FAM178B: variants seen among roughly 807,000 people sequenced by gnomAD.
FAM178B encodes the protein protein FAM178B.
FAM178B carries 82 observed loss-of-function variants against 91.7 expected under a neutral mutation model. That is an observed-to-expected ratio of 0.89 (90% CI 0.75 to 1.07). The LOEUF is 1.07. Among genes scored for constraint, FAM178B ranks in the 50% least tolerant of loss-of-function variants. The pLI is 0.00. For missense variants in FAM178B, 769 were observed against 846.7 expected (o/e 0.91, Z 1.14); for synonymous variants, 368 against 359.4 (o/e 1.02, Z -0.27).
At chr2:96,956,461 C>G (rs1019596928) in intron 6 of FAM178B, among the ~76,000 whole-genome samples, 11 of 152,204 alleles carry the variant, frequency 7.2e-5, no homozygotes, top group African/African-American at 2.4e-4. Flanking sequence ...CAAGCCCACC[C>G]AAGCTCGCTC....
At chr2:96,887,042 A>G (rs1009528914) in intron 14 of FAM178B, among the ~76,000 whole-genome samples, 3 of 152,080 alleles carry the variant, frequency 2.0e-5, no homozygotes, top group Non-Finnish European at 4.4e-5. Context: ...GTGAAACCCC[A>G]TCTCTACTAA....
At chr2:96,897,204 C>A (rs999532179) in intron 13 of FAM178B, among the ~76,000 whole-genome samples, 2 of 152,170 alleles carry the variant, frequency 1.3e-5, no homozygotes, top group African/African-American at 2.4e-5. Flanking sequence ...CCTATTCCCC[C>A]CCACTCCCTG....
chr2:96,893,809 G>T, intron 14 of FAM178B, 117 bp downstream of exon 14: 1 of 1,282,344 alleles, frequency 7.8e-7, no homozygotes, highest in Non-Finnish European at 1.0e-6. Flanking sequence ...GCCCTGGCAT[G>T]GCCCTGGGGT....
At chr2:96,949,846 G>A (rs1574291322) in intron 7 of FAM178B, 2 of 343,494 alleles carry the variant, frequency 5.8e-6, no homozygotes, top group Non-Finnish European at 8.2e-6. Context: ...GGACAAGGCA[G>A]CTCACGGATG....
chr2:96,982,687 A>G (rs7584318), intron 1 of FAM178B, among the ~76,000 whole-genome samples: 127,424 of 149,948 alleles, frequency 0.85, 55,587 homozygotes, highest in African/African-American at 0.95. Context: ...TCCTGCCTCA[A>G]CCTCCTGAGT....
intron 1 of FAM178B, among the ~76,000 whole-genome samples, chr2:96,975,082 G>C (rs866320149): frequency 1.1e-4 from 12 of 107,524 alleles, no homozygotes; most frequent in African/African-American, 4.2e-4. Flanking sequence ...GTGACAGAGT[G>C]AGACTCTGTC....
intron 1 of FAM178B, among the ~76,000 whole-genome samples, chr2:96,977,452 ATTTT>A (rs558867160): frequency 1.5e-5 from 2 of 135,406 alleles, no homozygotes; most frequent in Admixed American, 7.5e-5. Flanking sequence ...CCTTTTGGGA[ATTTT>A]TTTTTTTTTT....
Position 96,921,242 on chromosome 2 carries a change from G to C in FAM178B, c.1485C>G (p.Thr495=). 2 of 1,551,586 alleles carry C rather than the reference G, an allele frequency of 1.3e-6. No individual in the cohort carries two copies. Among genetic ancestry groups the C allele is most frequent in the Non-Finnish European group, 1.7e-6 (2 of 1,146,976 alleles). ...GGTGGTGGTCAGACACCCAGCTCAG[G>C]GTGCAGCACAGTTCCTGGAGCTGCA... ...WPGKLQELCC[T]LSWVSDHHHN... The change falls in exon 12 of 17, where the codon ACC becomes ACG. Residue 495 remains threonine (T), a synonymous_variant. Transcript: ENST00000490605.
chr2:96,957,318 G>A (rs1480345081), intron 6 of FAM178B, among the ~76,000 whole-genome samples: 1 of 152,158 alleles, frequency 6.6e-6, no homozygotes, highest in Non-Finnish European at 1.5e-5. Flanking sequence ...GGGCTAAATG[G>A]TGACCTCCAG....
chr2:96,985,682 CAAGACGCCTTATTCCT>C (rs139572756), intron 1 of FAM178B, among the ~76,000 whole-genome samples: 3,463 of 152,284 alleles, frequency 0.023, 114 homozygotes, highest in African/African-American at 0.072. Context: ...ACTGCTTTTT[CAAGACGCCTTATTCCT>C]AACATCATGT....
At chr2:96,940,661 TGGA>T (rs2081713456) in intron 8 of FAM178B, among the ~76,000 whole-genome samples, 1 of 151,050 alleles carries the variant, frequency 6.6e-6, no homozygotes, top group African/African-American at 2.4e-5. Context: ...AGACAAGAGG[TGGA>T]GGAGAGATCA....
At chr2:96,893,004 C>T (rs932454641) in intron 14 of FAM178B, among the ~76,000 whole-genome samples, 2 of 152,194 alleles carry the variant, frequency 1.3e-5, no homozygotes, top group African/African-American at 4.8e-5. Context: ...AGAAGAGGAG[C>T]GTGCACCTGG....
At chr2:96,933,911 C>A (rs1398236718) in intron 8 of FAM178B, among the ~76,000 whole-genome samples, 1 of 152,198 alleles carries the variant, frequency 6.6e-6, no homozygotes, top group East Asian at 1.9e-4. Flanking sequence ...ACAATGTTTA[C>A]GGGAGGCTTA....
At chr2:96,933,933 T>C (rs1377177321) in intron 8 of FAM178B, among the ~76,000 whole-genome samples, 1 of 152,220 alleles carries the variant, frequency 6.6e-6, no homozygotes, top group Non-Finnish European at 1.5e-5. Flanking sequence ...AATCCAATTC[T>C]TTCATATCCT....
chr2:96,937,300 T>G (rs1324441794), intron 8 of FAM178B, among the ~76,000 whole-genome samples: 3 of 152,166 alleles, frequency 2.0e-5, no homozygotes, highest in African/African-American at 7.2e-5. Flanking sequence ...TGGACTAGGC[T>G]TTGGAATTTT....
At chr2:96,922,496 C>A (rs547432228) in intron 10 of FAM178B, among the ~76,000 whole-genome samples, 1 of 151,880 alleles carries the variant, frequency 6.6e-6, no homozygotes, top group East Asian at 2.0e-4. Context: ...ATTACAGGCA[C>A]GCGCCACCGC....
At chr2:96,876,850 C>T (rs942990732) in intron 16 of FAM178B, among the ~76,000 whole-genome samples, 2 of 152,046 alleles carry the variant, frequency 1.3e-5, no homozygotes, top group Non-Finnish European at 2.9e-5. Context: ...CGAGCCAGCC[C>T]AGCAGGGTGC....
intron 14 of FAM178B, among the ~76,000 whole-genome samples, chr2:96,890,152 G>A (rs1262080761): frequency 6.6e-6 from 1 of 152,122 alleles, no homozygotes; most frequent in Non-Finnish European, 1.5e-5. Flanking sequence ...GCACGCGCCT[G>A]TAATCCCAGC....
At chr2:96,911,665 T>A (rs1328574270) in intron 12 of FAM178B, among the ~76,000 whole-genome samples, 1 of 152,092 alleles carries the variant, frequency 6.6e-6, no homozygotes, top group Non-Finnish European at 1.5e-5. Context: ...AAAGAGACAG[T>A]GGGATGCTCT....
Sources: gnomAD v4.1 joint callset for allele counts (sites outside exome capture counted in the v4.1 genomes callset) on GRCh38, gnomAD v4.1.1 for gene constraint, MANE v1.5 for transcripts, NCBI Gene and HGNC (gene_info 2026-07-23, HGNC 2026-07-21) for gene names.